Variants in WBP2NL observed in about 807,000 individuals in gnomAD.
WBP2NL encodes postacrosomal sheath WW domain-binding protein.
Under a neutral mutation model 23.3 loss-of-function variants are expected in WBP2NL, and 27 were observed. The ratio of observed to expected loss-of-function variants is 1.16; its 90% confidence interval spans 0.85 to 1.60. WBP2NL has a LOEUF of 1.60. Ranked by LOEUF, WBP2NL falls within the 40% of genes most tolerant of loss-of-function variation. The pLI is 0.00. For missense variants in WBP2NL, 370 were observed against 389.5 expected, an observed-to-expected ratio of 0.95 and a Z score of 0.42; for synonymous variants, 151 against 145.9, an observed-to-expected ratio of 1.03 and a Z score of -0.25.
intron 8 of WBP2NL, among the ~76,000 whole-genome samples, chr22:42,046,389 AG>A (rs1366301064): frequency 6.6e-6 from 1 of 152,254 alleles, no homozygotes; most frequent in Non-Finnish European, 1.5e-5. Context: ...TTAGAAAATT[AG>A]GTTAATAATG....
intron 8 of WBP2NL, among the ~76,000 whole-genome samples, chr22:42,040,072 C>T (rs750947652): frequency 4.0e-5 from 6 of 149,048 alleles, no homozygotes; most frequent in African/African-American, 9.9e-5. Flanking sequence ...CCACCATACC[C>T]GGCTAATTTT....
rs544950686 is a variant in WBP2NL, at chr22:42,001,506, G to A, written c.62+2626G>A. 32 of 981,522 alleles carry A rather than the reference G, an allele frequency of 3.3e-5. No homozygotes were observed. The East Asian group carries it at 4.8e-4, about 15-fold the overall frequency. The allele number at this position is 981,522 out of a possible 1,614,324, so 60.8% of individuals were successfully genotyped here. On this transcript the variant is annotated intron_variant, in intron 1 of 5. Coordinates refer to ENST00000328823, the MANE Select transcript of WBP2NL (RefSeq NM_152613.3). ...TTAACTAGGCAGTCACCGAAACCTC[G>A]CAATTCCCTTTCAGCTCCAGCTTTG...
intron 1 of WBP2NL, among the ~76,000 whole-genome samples, chr22:42,014,723 G>A (rs1962347782): frequency 6.6e-6 from 1 of 151,972 alleles, no homozygotes; most frequent in African/African-American, 2.4e-5. Flanking sequence ...TCTCTCTTCT[G>A]CCTGCCAAAA....
intron 1 of WBP2NL, among the ~76,000 whole-genome samples, chr22:42,018,678 C>T (rs1923575730): frequency 6.6e-6 from 1 of 151,998 alleles, no homozygotes; most frequent in Admixed American, 6.6e-5. Flanking sequence ...GTCAAAGAAC[C>T]ATTTCTATTA....
intron 1 of WBP2NL, among the ~76,000 whole-genome samples, chr22:42,015,957 T>C (rs375085200): frequency 6.6e-6 from 1 of 152,084 alleles, no homozygotes; most frequent in East Asian, 1.9e-4. Flanking sequence ...TTTCGCTAGG[T>C]AGCAGCAACT....
intron 5 of WBP2NL, among the ~76,000 whole-genome samples, chr22:42,025,297 A>G (rs1466893609): frequency 6.6e-6 from 1 of 152,208 alleles, no homozygotes; most frequent in Non-Finnish European, 1.5e-5. Context: ...ATGGCTTTGA[A>G]TGCAGCCCAA....
intron 1 of WBP2NL, among the ~76,000 whole-genome samples, chr22:42,011,333 T>C (rs962395950): frequency 1.3e-5 from 2 of 152,106 alleles, no homozygotes; most frequent in African/African-American, 4.8e-5. Flanking sequence ...AGCTTACTGC[T>C]GCCTCAATCT....
chr22:42,044,810 A>G (rs1005025132), intron 8 of WBP2NL, among the ~76,000 whole-genome samples: 2 of 151,986 alleles, frequency 1.3e-5, no homozygotes, highest in African/African-American at 4.8e-5. Flanking sequence ...CAAAAAATAA[A>G]TTTTTAAAAA....
intron 8 of WBP2NL, among the ~76,000 whole-genome samples, chr22:42,050,541 A>G (rs1361665814): frequency 2.0e-5 from 3 of 151,742 alleles, no homozygotes; most frequent in African/African-American, 7.3e-5. Flanking sequence ...CCAGCTACTC[A>G]GGAGGTTGAG....
chr22:42,056,030 AATT>A (rs1192997829), intron 8 of WBP2NL, among the ~76,000 whole-genome samples: 2 of 152,116 alleles, frequency 1.3e-5, no homozygotes, highest in Non-Finnish European at 2.9e-5. Flanking sequence ...ATTTACATGT[AATT>A]ATTGATAAGG....
At chr22:42,020,862 GTGTGTGTATATATATATATATATATATA>G (rs1456078942) in intron 4 of WBP2NL, among the ~76,000 whole-genome samples, 6 of 33,970 alleles carry the variant, frequency 1.8e-4, no homozygotes, top group African/African-American at 6.7e-4. Flanking sequence ...ATGTGTGTGT[GTGTGTGTATATATATATATATATATATA>G]TATATATATA....
At chr22:42,045,357 C>T (rs376493142) in intron 8 of WBP2NL, among the ~76,000 whole-genome samples, 208 of 152,202 alleles carry the variant, frequency 1.4e-3, no homozygotes, top group African/African-American at 4.8e-3. Context: ...AGGAGAATGG[C>T]GTGAACCCAG....
chr22:42,017,176 G>A (rs1440448851), intron 1 of WBP2NL, among the ~76,000 whole-genome samples: 2 of 152,080 alleles, frequency 1.3e-5, no homozygotes, highest in Admixed American at 1.3e-4. Flanking sequence ...TGCCCAGGGT[G>A]GAGTGCAGTG....
chr22:42,037,009 C>G (rs554854777), downstream of WBP2NL, among the ~76,000 whole-genome samples: 1 of 152,004 alleles, frequency 6.6e-6, no homozygotes, highest in Admixed American at 6.6e-5. Flanking sequence ...ATTACAAGAC[C>G]AATGTCAAGG....
intron 1 of WBP2NL, among the ~76,000 whole-genome samples, chr22:42,011,921 C>T (rs1412995583): frequency 6.6e-6 from 1 of 151,976 alleles, no homozygotes; most frequent in African/African-American, 2.4e-5. Flanking sequence ...TACAGGTGCC[C>T]ACCACCATGC....
intron 8 of WBP2NL, among the ~76,000 whole-genome samples, chr22:42,057,158 G>T (rs1454491836): frequency 6.6e-6 from 1 of 151,982 alleles, no homozygotes; most frequent in Non-Finnish European, 1.5e-5. Flanking sequence ...CTTTTTTTAT[G>T]TGTATATGGG....
chr22:42,051,739 G>A (rs996900240), intron 8 of WBP2NL, among the ~76,000 whole-genome samples: 11 of 152,160 alleles, frequency 7.2e-5, no homozygotes, highest in African/African-American at 1.9e-4. Flanking sequence ...CTTTTTAAAT[G>A]TCTGAGGGCT....
At chr22:42,042,495 ATGTTT>A (rs1342121879) in intron 8 of WBP2NL, among the ~76,000 whole-genome samples, 1 of 152,044 alleles carries the variant, frequency 6.6e-6, no homozygotes, top group Non-Finnish European at 1.5e-5. Flanking sequence ...CAGCTCCAGA[ATGTTT>A]TGTTTTAATT....
At chr22:42,010,759 C>G (rs886615105) in intron 1 of WBP2NL, among the ~76,000 whole-genome samples, 1 of 152,142 alleles carries the variant, frequency 6.6e-6, no homozygotes, top group South Asian at 2.1e-4. Flanking sequence ...AGGATGATCT[C>G]GATCTCCTGA....
Sources: gnomAD v4.1 joint callset for allele counts (sites outside exome capture counted in the v4.1 genomes callset) on GRCh38, gnomAD v4.1.1 for gene constraint, MANE v1.5 for transcripts, NCBI Gene and HGNC (gene_info 2026-07-23, HGNC 2026-07-21) for gene names.